Variants in LINC00305 observed in about 807,000 individuals in gnomAD.
LINC00305 encodes long independently transcribed non-coding RNA 305, also known as long intergenic non-protein coding RNA 305.
At position 64,143,171 on chromosome 18, in the gene LINC00305, G is replaced by C. The variant is rs143042317; in HGVS notation, n.314+5604C>G. ...AATGTATCTGGCCTTGGGTTATGTGGTTATAATATAATTTAGTCCTTTATT... is the reference window on the plus strand; with the variant it reads ...AATGTATCTGGCCTTGGGTTATGTGCTTATAATATAATTTAGTCCTTTATT... On this transcript the variant is annotated intron_variant and non_coding_transcript_variant, in intron 1 of 3. Transcript: ENST00000666468. 3.9e-4 allele frequency among the ~76,000 whole-genome samples: 60 copies of C among 152,202 alleles called. No homozygotes were observed. The East Asian group carries it at 9.3e-3, about 24-fold the overall frequency.
At chr18:64,142,309 C>T (rs1483390126) in intron 1 of LINC00305, among the ~76,000 whole-genome samples, 1 of 152,070 alleles carries the variant, frequency 6.6e-6, no homozygotes, top group African/African-American at 2.4e-5. Flanking sequence ...TTCTCTTTTA[C>T]CTGGAGAGGG....
chr18:64,137,331 C>G (rs1421542889), intron 1 of LINC00305, among the ~76,000 whole-genome samples: 1 of 152,192 alleles, frequency 6.6e-6, no homozygotes, highest in Non-Finnish European at 1.5e-5. Flanking sequence ...GCCTCCAGAA[C>G]TGTGAGAGAA....
chr18:64,126,266 T>A (rs2051384634), intron 1 of LINC00305, among the ~76,000 whole-genome samples: 1 of 152,072 alleles, frequency 6.6e-6, no homozygotes, highest in East Asian at 1.9e-4. Context: ...ATAAGGATCA[T>A]TTCTAGATGA....
At chr18:64,146,174 T>C (rs950888491) in intron 1 of LINC00305, among the ~76,000 whole-genome samples, 1 of 152,174 alleles carries the variant, frequency 6.6e-6, no homozygotes, top group African/African-American at 2.4e-5. Context: ...CGAAATAAGT[T>C]ATGGTTGGTG....
At chr18:64,081,826 A>G (rs910765688) in intron 3 of LINC00305, among the ~76,000 whole-genome samples, 5 of 152,212 alleles carry the variant, frequency 3.3e-5, no homozygotes, top group Non-Finnish European at 7.3e-5. Flanking sequence ...CACAGTGGAG[A>G]AAGCTGCATC....
intron 1 of LINC00305, among the ~76,000 whole-genome samples, chr18:64,119,100 G>A (rs1043555096): frequency 2.0e-5 from 3 of 152,084 alleles, no homozygotes; most frequent in African/African-American, 7.2e-5. Flanking sequence ...CAGTTTAGCT[G>A]AAGAGCTACG....
intron 1 of LINC00305, among the ~76,000 whole-genome samples, chr18:64,108,615 G>T (rs915098454): frequency 1.3e-5 from 2 of 152,056 alleles, no homozygotes; most frequent in East Asian, 3.9e-4. Context: ...GAAAATAAAG[G>T]GTGAAACAAA....
chr18:64,105,444 G>A (rs2051285980), intron 1 of LINC00305, among the ~76,000 whole-genome samples: 2 of 152,170 alleles, frequency 1.3e-5, no homozygotes, highest in South Asian at 2.1e-4. Flanking sequence ...GGGTGACAGA[G>A]TGAGATTCCG....
chr18:64,128,619 C>T (rs2051396026), intron 1 of LINC00305, among the ~76,000 whole-genome samples: 1 of 152,062 alleles, frequency 6.6e-6, no homozygotes, highest in African/African-American at 2.4e-5. Context: ...TTTATTTGCT[C>T]TTCTGGTCAC....
At chr18:64,143,502 T>TAC (rs1245072572) in intron 1 of LINC00305, among the ~76,000 whole-genome samples, 1 of 138,236 alleles carries the variant, frequency 7.2e-6, no homozygotes, top group Admixed American at 7.0e-5. Flanking sequence ...TGTATATATA[T>TAC]ATGTATACCA....
At chr18:64,133,465 GT>G (rs978734202) in intron 1 of LINC00305, among the ~76,000 whole-genome samples, 1 of 152,120 alleles carries the variant, frequency 6.6e-6, no homozygotes, top group Non-Finnish European at 1.5e-5. Flanking sequence ...CCAGAATGAT[GT>G]TTTTAAAATG....
chr18:64,102,888 C>T (rs2051273241), intron 1 of LINC00305, among the ~76,000 whole-genome samples: 1 of 152,188 alleles, frequency 6.6e-6, no homozygotes, highest in Non-Finnish European at 1.5e-5. Context: ...GATCCAGTCA[C>T]CTCCCATTAG....
At chr18:64,082,604 C>T (rs1326990982) in intron 3 of LINC00305, among the ~76,000 whole-genome samples, 2 of 152,198 alleles carry the variant, frequency 1.3e-5, no homozygotes, top group African/African-American at 4.8e-5. Context: ...AAAGCTTAAC[C>T]AGGAATTCAC....
At chr18:64,102,553 T>C (rs2051271427) in intron 1 of LINC00305, among the ~76,000 whole-genome samples, 1 of 152,114 alleles carries the variant, frequency 6.6e-6, no homozygotes, top group South Asian at 2.1e-4. Context: ...AAAATCAGGA[T>C]AGGTGGGTAT....
intron 1 of LINC00305, among the ~76,000 whole-genome samples, chr18:64,106,487 C>G (rs2051291395): frequency 6.6e-6 from 1 of 152,152 alleles, no homozygotes; most frequent in Non-Finnish European, 1.5e-5. Flanking sequence ...GATGCCCTCT[C>G]CCTCTGCCCA....
At chr18:64,115,387 G>A (rs935894491) in intron 1 of LINC00305, among the ~76,000 whole-genome samples, 1 of 152,130 alleles carries the variant, frequency 6.6e-6, no homozygotes, top group East Asian at 1.9e-4. Flanking sequence ...CCTCACTGAG[G>A]AACAAAATTA....
chr18:64,124,211 A>G (rs1174251624), intron 1 of LINC00305, among the ~76,000 whole-genome samples: 1 of 152,152 alleles, frequency 6.6e-6, no homozygotes, highest in Non-Finnish European at 1.5e-5. Context: ...TGACAGTCAC[A>G]GTATTTAAGC....
rs963927348 is a variant in LINC00305 at position 64,143,419 on chromosome 18, G to A, written n.314+5356C>T. Among the ~76,000 whole-genome samples the A allele has an allele frequency of 3.2e-4, 47 of 148,368 alleles. 2 individuals carry two copies. Among genetic ancestry groups the A allele is most frequent in the Non-Finnish European group, 1.3e-4 (9 of 67,478 alleles). On this transcript the variant is annotated intron_variant and non_coding_transcript_variant, in intron 1 of 3. Transcript: ENST00000666468. ...TGTGTGTGTGTGTATATATATATAT[G>A]TGTATACCAACAATATACATATTAT... is the stretch of plus-strand genomic sequence containing the variant.
At chr18:64,129,031 T>G (rs971255730) in intron 1 of LINC00305, among the ~76,000 whole-genome samples, 4 of 152,176 alleles carry the variant, frequency 2.6e-5, no homozygotes, top group African/African-American at 9.6e-5. Flanking sequence ...GTGGAAGATA[T>G]TGTCTATTAT....
Sources: gnomAD v4.1 joint callset for allele counts (sites outside exome capture counted in the v4.1 genomes callset) on GRCh38, gnomAD v4.1.1 for gene constraint, MANE v1.5 for transcripts, NCBI Gene and HGNC (gene_info 2026-07-23, HGNC 2026-07-21) for gene names.